SOX5: variants seen among roughly 807,000 people sequenced by gnomAD.
SOX5 encodes the protein transcription factor SOX-5.
In SOX5, 9 loss-of-function variants were observed where a neutral mutation model predicts 92.0. That is an observed-to-expected ratio of 0.10 (90% CI 0.06 to 0.17). SOX5 has a LOEUF of 0.17. Ranked by LOEUF, SOX5 falls within the 10% of genes least tolerant of loss-of-function variation. The pLI, the probability that SOX5 is intolerant of heterozygous loss-of-function variation, is 1.00. For synonymous variants in SOX5, 344 were observed against 336.3 expected (o/e 1.02, Z -0.25); for missense variants, 642 against 944.5 (o/e 0.68, Z 4.20).
chr12:24,190,346 TA>T (rs1164275575), intron 4 of SOX5, among the ~76,000 whole-genome samples: 24 of 152,256 alleles, frequency 1.6e-4, no homozygotes, highest in Admixed American at 6.5e-5. Flanking sequence ...ACTCTGTTCA[TA>T]AAATCTTATC....
chr12:23,605,044 C>G (rs935740353), intron 8 of SOX5, among the ~76,000 whole-genome samples: 1 of 151,936 alleles, frequency 6.6e-6, no homozygotes, highest in Non-Finnish European at 1.5e-5. Context: ...GAAAAAAGTA[C>G]TTGAAGAAGA....
chr12:23,727,582 G>A (rs1593733730), intron 6 of SOX5, among the ~76,000 whole-genome samples: 1 of 152,108 alleles, frequency 6.6e-6, no homozygotes, highest in East Asian at 1.9e-4. Context: ...AAGAAAAGGG[G>A]TTGTAAGTAA....
chr12:23,929,596 AC>A (rs775009312), intron 1 of SOX5, among the ~76,000 whole-genome samples: 25 of 152,050 alleles, frequency 1.6e-4, no homozygotes, highest in Non-Finnish European at 3.2e-4. Flanking sequence ...AGGAAAAAAA[AC>A]AACAACAACC....
intron 5 of SOX5, among the ~76,000 whole-genome samples, chr12:23,736,519 A>G (rs997084297): frequency 6.6e-6 from 1 of 152,078 alleles, no homozygotes; most frequent in African/African-American, 2.4e-5. Flanking sequence ...AAAATTCAGG[A>G]AAAAATTCAC....
Position 23,618,980 on chromosome 12 carries a change from G to A in SOX5, c.1018-14447C>T, listed in dbSNP as rs577955713. Among the ~76,000 whole-genome samples, 65 of 152,268 alleles carry A rather than the reference G, an allele frequency of 4.3e-4. 1 individual carries two copies. Among genetic ancestry groups the A allele is most frequent in the Non-Finnish European group, 6.9e-4 (47 of 68,020 alleles). ...GAGTGAAAGACTTCTTGAGTCAGTA[G>A]TAGCAGAACTCAACGCTCCCTGAAG... On this transcript the variant is annotated intron_variant, in intron 8 of 14. Transcript: ENST00000451604.
At chr12:24,216,508 T>C (rs1959177082) in intron 3 of SOX5, among the ~76,000 whole-genome samples, 1 of 151,966 alleles carries the variant, frequency 6.6e-6, no homozygotes, top group Non-Finnish European at 1.5e-5. Context: ...AAAAATCCCA[T>C]GTAATTAGAG....
intron 3 of SOX5, among the ~76,000 whole-genome samples, chr12:24,268,558 G>A (rs1005906521): frequency 1.3e-5 from 2 of 152,116 alleles, no homozygotes; most frequent in African/African-American, 4.8e-5. Context: ...GAAGATATAC[G>A]ATCATATAAT....
chr12:23,567,825 T>C (rs1947409051), intron 10 of SOX5, among the ~76,000 whole-genome samples: 2 of 152,136 alleles, frequency 1.3e-5, no homozygotes. Flanking sequence ...AAATTTCTGT[T>C]TTTCTTAACT....
chr12:23,643,161 G>T (rs899174940), intron 7 of SOX5, among the ~76,000 whole-genome samples: 1 of 151,678 alleles, frequency 6.6e-6, no homozygotes, highest in Non-Finnish European at 1.5e-5. Context: ...GTGAGGCAGG[G>T]ACTCCAGAGA....
At chr12:24,472,315 T>C (rs930863139) in intron 1 of SOX5, among the ~76,000 whole-genome samples, 21 of 152,202 alleles carry the variant, frequency 1.4e-4, no homozygotes, top group Non-Finnish European at 1.9e-4. Context: ...GACCTGTAAC[T>C]ACCTATCCTT....
At position 23,750,426 on chromosome 12, in the gene SOX5, G is replaced by A. The variant is rs564059978; in HGVS notation, c.568+5212C>T. Among the ~76,000 whole-genome samples the A allele has an allele frequency of 5.3e-5, 8 of 151,966 alleles. No individual in the cohort carries two copies. In the South Asian group the frequency reaches 1.7e-3, roughly 32 times the overall value. On this transcript the variant is annotated intron_variant, in intron 4 of 14. Transcript: ENST00000451604. The stretch of plus-strand genomic sequence containing the variant: ...GCCCAATTTCCACAAGTACTTGGAA[G>A]AATCAGTCCACATAACATCAAATCA...
intron 4 of SOX5, among the ~76,000 whole-genome samples, chr12:24,026,055 C>T (rs1274957282): frequency 6.6e-6 from 1 of 152,084 alleles, no homozygotes; most frequent in Non-Finnish European, 1.5e-5. Context: ...CCAGACTTAA[C>T]ATAGCTCCAC....
chr12:24,286,802 G>T (rs1234183354), intron 2 of SOX5, among the ~76,000 whole-genome samples: 1 of 152,158 alleles, frequency 6.6e-6, no homozygotes, highest in Non-Finnish European at 1.5e-5. Context: ...ATGACTTAGG[G>T]TGTATGAAGG....
chr12:24,062,225 A>C (rs1389933732), intron 4 of SOX5, among the ~76,000 whole-genome samples: 2 of 152,176 alleles, frequency 1.3e-5, no homozygotes, highest in East Asian at 3.9e-4. Context: ...CACTTCAAAA[A>C]TCTATTATTT....
At chr12:24,086,691 TG>T (rs1405445670) in intron 4 of SOX5, among the ~76,000 whole-genome samples, 2 of 152,026 alleles carry the variant, frequency 1.3e-5, no homozygotes, top group Non-Finnish European at 2.9e-5. Flanking sequence ...ATTCTTTCTA[TG>T]GAGTTTGAGT....
At chr12:24,095,579 A>G (rs1002287934) in intron 4 of SOX5, among the ~76,000 whole-genome samples, 1 of 152,098 alleles carries the variant, frequency 6.6e-6, no homozygotes, top group African/African-American at 2.4e-5. Flanking sequence ...ACTGTTTAAA[A>G]CAACTTTTTA....
intron 9 of SOX5, among the ~76,000 whole-genome samples, chr12:23,585,478 G>A (rs1479456): frequency 0.27 from 41,137 of 152,004 alleles, 5,772 homozygotes; most frequent in Middle Eastern, 0.33. Flanking sequence ...ACAGATAGAG[G>A]AAAGGGGGCA....
At chr12:24,372,682 C>T (rs1420155675) in intron 1 of SOX5, among the ~76,000 whole-genome samples, 8 of 152,128 alleles carry the variant, frequency 5.3e-5, no homozygotes, top group Admixed American at 5.2e-4. Flanking sequence ...ATTTCTAGTT[C>T]TAGATCCTTG....
rs1245862017 is a variant in SOX5, at chr12:24,471,401, AG to A, written c.-251+90927del. On this transcript the variant is annotated intron_variant, in intron 1 of 4. Transcript: ENST00000446891. ...TGCTATTAGGACTTTCTGCATTGGA[AG>A]TCACATATCATGAATGTAATCTAAC... is the stretch of plus-strand genomic sequence containing the variant. Among the ~76,000 whole-genome samples the A allele has an allele frequency of 2.0e-5, 3 of 152,208 alleles. No homozygotes were observed. The East Asian group carries it at 5.8e-4, about 29-fold the overall frequency.
Sources: allele counts gnomAD v4.1 joint callset (sites outside exome capture counted in the v4.1 genomes callset), GRCh38; gene constraint gnomAD v4.1.1; transcripts MANE v1.5; gene names NCBI Gene and HGNC (gene_info 2026-07-23, HGNC 2026-07-21).